Variants in CFDP1 observed in about 807,000 individuals in gnomAD.
CFDP1 encodes chromatin remodeling protein CFDP1.
A neutral mutation model predicts 40.1 loss-of-function variants in CFDP1; 31 were observed. The ratio of observed to expected loss-of-function variants is 0.77; its 90% CI spans 0.58 to 1.04. The LOEUF is 1.04. Among genes scored for constraint, CFDP1 ranks in the 50% least tolerant of loss-of-function variants. CFDP1 has a pLI of 0.00. For missense variants in CFDP1, 423 were observed against 343.4 expected (o/e 1.23, Z -1.83); for synonymous variants, 167 against 120.0 (o/e 1.39, Z -2.56).
intron 5 of CFDP1, among the ~76,000 whole-genome samples, chr16:75,380,295 T>G (rs1353774501): frequency 2.6e-5 from 4 of 152,034 alleles, no homozygotes; most frequent in Non-Finnish European, 5.9e-5. Context: ...TTTAAGTGTA[T>G]AGCTAAACTC....
At chr16:75,371,027 AG>A (rs1220071614) in intron 5 of CFDP1, among the ~76,000 whole-genome samples, 7 of 152,222 alleles carry the variant, frequency 4.6e-5, no homozygotes, top group African/African-American at 1.7e-4. Context: ...TGCCAAGTGC[AG>A]AAAAAAGCCA....
chr16:75,414,025 T>C (rs796608816), intron 2 of CFDP1, among the ~76,000 whole-genome samples: 4 of 152,316 alleles, frequency 2.6e-5, no homozygotes, highest in Admixed American at 6.5e-5. Flanking sequence ...TCTTCTTTGT[T>C]GTAGTAAAGA....
intron 4 of CFDP1, among the ~76,000 whole-genome samples, chr16:75,400,974 G>A (rs564107920): frequency 6.6e-6 from 1 of 152,244 alleles, no homozygotes; most frequent in Non-Finnish European, 1.5e-5. Context: ...CCATAAAAAA[G>A]AGCCACAGAA....
At chr16:75,409,073 G>A (rs2079132253) in intron 4 of CFDP1, among the ~76,000 whole-genome samples, 1 of 151,768 alleles carries the variant, frequency 6.6e-6, no homozygotes, top group African/African-American at 2.4e-5. Flanking sequence ...TGTTCAGGCT[G>A]GTCTCGAACT....
chr16:75,405,929 A>G (rs1451206234), intron 4 of CFDP1, among the ~76,000 whole-genome samples: 4 of 151,596 alleles, frequency 2.6e-5, no homozygotes, highest in African/African-American at 7.3e-5. Flanking sequence ...CAAAAAAAAA[A>G]AGAAAAAAGA....
chr16:75,328,313 G>A (rs2078418484), intron 5 of CFDP1, among the ~76,000 whole-genome samples: 1 of 150,634 alleles, frequency 6.6e-6, no homozygotes, highest in African/African-American at 2.4e-5. Flanking sequence ...GGCCGGGCAT[G>A]GTGGCTCATG....
At chr16:75,315,331 C>CAAAAAAAAAAAAAAAAAAAAAAAAAAAAA (rs758174791) in intron 5 of CFDP1, among the ~76,000 whole-genome samples, 1 of 47,796 alleles carries the variant, frequency 2.1e-5, no homozygotes, top group Non-Finnish European at 3.4e-5. Context: ...GACCCTATCT[C>CAAAAAAAAAAAAAAAAAAAAAAAAAAAAA]AAAAAAAAAA....
rs546344248 is a variant in CFDP1 at position 75,408,676 on chromosome 16, T to C, written c.530+3149A>G. 4.0e-5 allele frequency among the ~76,000 whole-genome samples: 6 copies of C among 151,712 alleles called. No homozygotes were observed. In the South Asian group the frequency reaches 1.2e-3, roughly 32 times the overall value. ...CTGTAATCCCAGCCACTCGGGAGCC[T>C]GAGGCAGGAGAATCACTTGAACCAG... On this transcript the variant is annotated intron_variant, in intron 4 of 6. Coordinates refer to ENST00000283882, the MANE Select transcript of CFDP1 (RefSeq NM_006324.3).
chr16:75,336,954 T>G (rs1180239000), intron 5 of CFDP1, among the ~76,000 whole-genome samples: 1 of 152,244 alleles, frequency 6.6e-6, no homozygotes. Flanking sequence ...ACAGTTGCTA[T>G]GTTTATTGAT....
intron 6 of CFDP1, 144 bp from the exon 7 acceptor site, chr16:75,294,186 C>A: frequency 3.3e-6 from 2 of 605,758 alleles, no homozygotes; most frequent in Admixed American, 3.0e-5. Context: ...CAATCCAAAC[C>A]ACTCACATTT....
At chr16:75,386,283 TAAG>T (rs886095090) in intron 5 of CFDP1, among the ~76,000 whole-genome samples, 3 of 152,218 alleles carry the variant, frequency 2.0e-5, no homozygotes, top group Admixed American at 1.3e-4. Flanking sequence ...TAGAATTTTC[TAAG>T]AACACTAGAA....
chr16:75,355,782 G>A (rs2078640854), intron 5 of CFDP1, among the ~76,000 whole-genome samples: 1 of 152,118 alleles, frequency 6.6e-6, no homozygotes, highest in Non-Finnish European at 1.5e-5. Flanking sequence ...TCTCTCTCCT[G>A]CCACCCTGTG....
At chr16:75,369,490 T>A (rs1041720684) in intron 5 of CFDP1, among the ~76,000 whole-genome samples, 2 of 152,182 alleles carry the variant, frequency 1.3e-5, no homozygotes, top group African/African-American at 2.4e-5. Context: ...AACTATTATA[T>A]ACATTTAGAC....
At chr16:75,369,316 T>C (rs1022692546) in intron 5 of CFDP1, among the ~76,000 whole-genome samples, 5 of 151,180 alleles carry the variant, frequency 3.3e-5, no homozygotes, top group African/African-American at 1.2e-4. Context: ...CTTTAGGAGG[T>C]CAAGGCAGTA....
chr16:75,340,775 T>C (rs1018836108), intron 5 of CFDP1, among the ~76,000 whole-genome samples: 4 of 152,232 alleles, frequency 2.6e-5, no homozygotes, highest in Admixed American at 2.0e-4. Context: ...AGTTAACTTA[T>C]AAATGAGAGG....
At chr16:75,306,779 A>C (rs2078259840) in intron 5 of CFDP1, among the ~76,000 whole-genome samples, 1 of 152,130 alleles carries the variant, frequency 6.6e-6, no homozygotes, top group Non-Finnish European at 1.5e-5. Context: ...AGTTTGCTTA[A>C]GAGAACTCCA....
chr16:75,396,946 C>G (rs999979242), intron 4 of CFDP1, among the ~76,000 whole-genome samples: 12 of 152,024 alleles, frequency 7.9e-5, no homozygotes, highest in African/African-American at 2.9e-4. Flanking sequence ...TGGAGTCTCG[C>G]TCTGTCGCCT....
chr16:75,374,869 A>G (rs1002832109), intron 5 of CFDP1, among the ~76,000 whole-genome samples: 15 of 152,216 alleles, frequency 9.9e-5, no homozygotes, highest in Admixed American at 2.6e-4. Flanking sequence ...ATTTATACCT[A>G]TAGCACATCT....
intron 5 of CFDP1, among the ~76,000 whole-genome samples, chr16:75,387,144 T>G (rs1597373487): frequency 6.8e-6 from 1 of 147,476 alleles, no homozygotes; most frequent in East Asian, 2.0e-4. Flanking sequence ...TTCTTTCTTT[T>G]TTTTTTTTTT....
Sources: allele counts gnomAD v4.1 joint callset (sites outside exome capture counted in the v4.1 genomes callset), GRCh38; gene constraint gnomAD v4.1.1; transcripts MANE v1.5; gene names NCBI Gene and HGNC (gene_info 2026-07-23, HGNC 2026-07-21).